The following PPP1R12A variants were observed in gnomAD, a reference collection of about 807,000 sequenced individuals.
PPP1R12A encodes the protein protein phosphatase 1 regulatory subunit 12A, also known as myosin binding subunit.
A neutral mutation model predicts 139.6 loss-of-function variants in PPP1R12A; 19 were observed. That is an observed-to-expected ratio of 0.14 (90% confidence interval 0.09 to 0.20). The LOEUF (loss-of-function observed/expected upper bound fraction) is 0.20, where lower values mean the gene tolerates loss of function less well. Ranked by LOEUF, PPP1R12A falls within the 10% of genes least tolerant of loss-of-function variation. The probability of loss-of-function intolerance (pLI) is 1.00; values close to 1 mark genes in which losing one functional copy is unlikely to be tolerated. For synonymous variants in PPP1R12A, 427 were observed against 420.6 expected, an observed-to-expected ratio of 1.02 and a Z score of -0.19; for missense variants, 925 against 1,211.5, an observed-to-expected ratio of 0.76 and a Z score of 3.51.
intron 23 of PPP1R12A, chr12:79,779,501 A>T: frequency 1.9e-6 from 1 of 539,738 alleles, no homozygotes; most frequent in South Asian, 1.7e-5. Flanking sequence ...GATTTTAAAA[A>T]GTAGACAGAA....
At chr12:79,932,177 A>G (rs1330497671) in intron 1 of PPP1R12A, among the ~76,000 whole-genome samples, 1 of 152,234 alleles carries the variant, frequency 6.6e-6, no homozygotes, top group Non-Finnish European at 1.5e-5. Context: ...TTAAAGTTTT[A>G]AAGAACTATT....
chr12:79,824,181 C>A (rs1192690301), intron 5 of PPP1R12A, among the ~76,000 whole-genome samples: 2 of 151,992 alleles, frequency 1.3e-5, no homozygotes, highest in Non-Finnish European at 2.9e-5. Flanking sequence ...CTTAAGGTGC[C>A]CTTTAAATTA....
chr12:79,833,916 A>G (rs1403184606), intron 3 of PPP1R12A, among the ~76,000 whole-genome samples: 1 of 152,078 alleles, frequency 6.6e-6, no homozygotes, highest in Non-Finnish European at 1.5e-5. Context: ...TGAATGAACA[A>G]ATATAAAACA....
intron 3 of PPP1R12A, among the ~76,000 whole-genome samples, chr12:79,842,858 A>G (rs1052420912): frequency 6.6e-6 from 1 of 152,096 alleles, no homozygotes; most frequent in African/African-American, 2.4e-5. Flanking sequence ...TTAAGTGTAC[A>G]GTTCTTAAGT....
chr12:79,894,327 T>C (rs1358478316), intron 1 of PPP1R12A, among the ~76,000 whole-genome samples: 1 of 152,200 alleles, frequency 6.6e-6, no homozygotes, highest in African/African-American at 2.4e-5. Context: ...AAGACAGAAC[T>C]GAAGACAGAG....
rs372502845 is a variant in PPP1R12A, at chr12:79,877,807, C to T, written c.238-4869G>A. ...CTGGGATCACAGGTGTGAGCCACCA[C>T]ACCCGGCTGATACTCATTAAATTCT... On this transcript the variant is annotated intron_variant, in intron 1 of 24. Coordinates refer to ENST00000450142, the MANE Select transcript of PPP1R12A (RefSeq NM_002480.3). Among the ~76,000 whole-genome samples, 38 of 152,290 alleles carry T rather than the reference C, an allele frequency of 2.5e-4. No homozygotes were observed. The South Asian group carries it at 7.9e-3, about 32-fold the overall frequency.
intron 17 of PPP1R12A, 43 bp downstream of exon 17, chr12:79,796,739 T>C (rs1300287072): frequency 1.4e-6 from 2 of 1,478,404 alleles, no homozygotes; most frequent in East Asian, 2.3e-5. Flanking sequence ...TCCAAAGGAT[T>C]ATATGAAGAA....
At chr12:79,859,808 C>T (rs1356160334) in intron 2 of PPP1R12A, among the ~76,000 whole-genome samples, 4 of 152,028 alleles carry the variant, frequency 2.6e-5, no homozygotes, top group South Asian at 4.2e-4. Context: ...TCCTAGCTAC[C>T]GCTGCTGAGG....
chr12:79,898,216 G>C (rs960008367), intron 1 of PPP1R12A, among the ~76,000 whole-genome samples: 1 of 152,166 alleles, frequency 6.6e-6, no homozygotes, highest in Non-Finnish European at 1.5e-5. Context: ...TTGGGAGGCC[G>C]AGGTGGGCGG....
At chr12:79,828,520 G>T (rs540495988) in intron 4 of PPP1R12A, 56 bp from the exon 5 acceptor site, 2 of 1,336,726 alleles carry the variant, frequency 1.5e-6, no homozygotes, top group East Asian at 2.5e-5. Flanking sequence ...AAATGATCAT[G>T]ATCAAAAGCT....
At chr12:79,838,616 T>C (rs1032354068) in intron 3 of PPP1R12A, among the ~76,000 whole-genome samples, 2 of 152,178 alleles carry the variant, frequency 1.3e-5, no homozygotes, top group African/African-American at 2.4e-5. Context: ...GTGTCCCAGC[T>C]ACTCCAGCCC....
At chr12:79,933,398 A>T (rs930975837) in intron 1 of PPP1R12A, among the ~76,000 whole-genome samples, 3 of 152,150 alleles carry the variant, frequency 2.0e-5, no homozygotes, top group Non-Finnish European at 2.9e-5. Context: ...CCTTTTTTTT[A>T]AAAGGCATCA....
At chr12:79,784,146 T>G (rs1870815836) in intron 22 of PPP1R12A, among the ~76,000 whole-genome samples, 1 of 151,978 alleles carries the variant, frequency 6.6e-6, no homozygotes, top group Non-Finnish European at 1.5e-5. Flanking sequence ...TGAATAGTTA[T>G]GAAGTCAATC....
intron 1 of PPP1R12A, among the ~76,000 whole-genome samples, chr12:79,934,121 G>A (rs572667789): frequency 1.3e-5 from 2 of 152,214 alleles, no homozygotes; most frequent in South Asian, 4.2e-4. Flanking sequence ...CCTCCCCAGT[G>A]ACCAAGAGTA....
At chr12:79,793,745 A>T in intron 19 of PPP1R12A, 118 bp downstream of exon 19, 6 of 696,848 alleles carry the variant, frequency 8.6e-6, no homozygotes, top group South Asian at 1.9e-5. Flanking sequence ...TTGCATACCC[A>T]GCATGTAGGT....
At chr12:79,918,514 CCTT>C (rs1264707693) in intron 1 of PPP1R12A, among the ~76,000 whole-genome samples, 1 of 151,988 alleles carries the variant, frequency 6.6e-6, no homozygotes, top group Non-Finnish European at 1.5e-5. Flanking sequence ...GTGAAAAGCA[CCTT>C]CATCATCTAG....
At chr12:79,870,020 T>C (rs1882406185) in intron 2 of PPP1R12A, among the ~76,000 whole-genome samples, 1 of 151,990 alleles carries the variant, frequency 6.6e-6, no homozygotes, top group African/African-American at 2.4e-5. Flanking sequence ...ATTATTTTTC[T>C]ATACCCAAGA....
chr12:79,820,742 T>G (rs1295489306), intron 8 of PPP1R12A, 32 bp downstream of exon 8: 2 of 1,600,042 alleles, frequency 1.2e-6, no homozygotes, highest in African/African-American at 2.7e-5. Flanking sequence ...GCCACAAAAT[T>G]CAACGAAAAT....
upstream of PPP1R12A, chr12:79,935,386 C>T (rs573846795): frequency 1.6e-5 from 16 of 994,934 alleles, no homozygotes; most frequent in Non-Finnish European, 1.8e-5. Context: ...GAAGGTTGTC[C>T]TGTCGGGCTG....
Sources: gnomAD v4.1 joint callset for allele counts (sites outside exome capture counted in the v4.1 genomes callset) on GRCh38, gnomAD v4.1.1 for gene constraint, MANE v1.5 for transcripts, NCBI Gene and HGNC (gene_info 2026-07-23, HGNC 2026-07-21) for gene names.